PPFIA2: variants seen among roughly 807,000 people sequenced by gnomAD.
PPFIA2 encodes liprin-alpha-2.
Under a neutral mutation model 175.5 loss-of-function variants are expected in PPFIA2, and 46 were observed. That is an observed-to-expected ratio of 0.26 (90% CI 0.21 to 0.34). The LOEUF (loss-of-function observed/expected upper bound fraction) is 0.34. Ranked by LOEUF, PPFIA2 falls within the 10% of genes least tolerant of loss-of-function variation. PPFIA2 has a pLI of 1.00. For synonymous variants in PPFIA2, 568 were observed against 511.4 expected, an observed-to-expected ratio of 1.11 and a Z score of -1.49; for missense variants, 1,179 against 1,506.1, an observed-to-expected ratio of 0.78 and a Z score of 3.60.
chr12:81,353,403 C>T, intron 16 of PPFIA2, 64 bp from the exon 17 acceptor site: 1 of 1,157,800 alleles, frequency 8.6e-7, no homozygotes, highest in Non-Finnish European at 1.3e-6. Context: ...GCATTAATCT[C>T]AAAGACAGCA....
chr12:81,388,993 A>T (rs1286699149), intron 8 of PPFIA2, among the ~76,000 whole-genome samples: 5 of 151,744 alleles, frequency 3.3e-5, no homozygotes, highest in Non-Finnish European at 7.4e-5. Context: ...AGCCCCAGAC[A>T]ACCACTAACT....
At chr12:81,316,923 C>G (rs1191576807) in intron 22 of PPFIA2, among the ~76,000 whole-genome samples, 1 of 148,860 alleles carries the variant, frequency 6.7e-6, no homozygotes, top group Non-Finnish European at 1.5e-5. Flanking sequence ...AAACTGGGCT[C>G]TGGAGATCTA....
chr12:81,350,105 G>C (rs1241935868), intron 17 of PPFIA2, among the ~76,000 whole-genome samples: 1 of 152,124 alleles, frequency 6.6e-6, no homozygotes, highest in East Asian at 1.9e-4. Context: ...ACAAAGCTAA[G>C]AGTCACTGAA....
intron 4 of PPFIA2, among the ~76,000 whole-genome samples, chr12:81,529,385 G>A (rs1173668668): frequency 6.6e-6 from 1 of 151,736 alleles, no homozygotes; most frequent in African/African-American, 2.4e-5. Context: ...TAATTTTCTT[G>A]AATTTATATT....
At chr12:81,362,647 T>C (rs1217166669) in intron 15 of PPFIA2, 46 bp downstream of exon 15, 2 of 1,281,260 alleles carry the variant, frequency 1.6e-6, no homozygotes, top group African/African-American at 1.5e-5. Flanking sequence ...AGGGAATTCA[T>C]GTTGATTTTC....
At chr12:81,641,624 G>A (rs1488214554) in intron 4 of PPFIA2, among the ~76,000 whole-genome samples, 1 of 152,098 alleles carries the variant, frequency 6.6e-6, no homozygotes, top group African/African-American at 2.4e-5. Flanking sequence ...ACAATATGAT[G>A]AGTCGTCTCA....
intron 3 of PPFIA2, among the ~76,000 whole-genome samples, chr12:81,736,728 A>T (rs2153647867): frequency 6.6e-6 from 1 of 152,118 alleles, no homozygotes; most frequent in African/African-American, 2.4e-5. Context: ...GTTTATTTTA[A>T]GAAAATCATT....
intron 4 of PPFIA2, among the ~76,000 whole-genome samples, chr12:81,506,309 A>G (rs2061163399): frequency 6.6e-6 from 1 of 152,180 alleles, no homozygotes. Context: ...TTAAAAGCCC[A>G]GGTCAAACTT....
At chr12:81,605,060 T>A (rs146819339) in intron 4 of PPFIA2, among the ~76,000 whole-genome samples, 1 of 151,920 alleles carries the variant, frequency 6.6e-6, no homozygotes, top group African/African-American at 2.4e-5. Context: ...CCAAAAATAC[T>A]TAGAGCCTAT....
intron 4 of PPFIA2, chr12:81,546,253 C>T (rs2153355608): frequency 6.6e-6 from 1 of 152,216 alleles, no homozygotes; most frequent in South Asian, 2.1e-4. Flanking sequence ...CCACAGGAAC[C>T]TCTTTGTACA....
chr12:81,278,466 G>A (rs1290040229), intron 27 of PPFIA2, among the ~76,000 whole-genome samples: 1 of 151,808 alleles, frequency 6.6e-6, no homozygotes, highest in Non-Finnish European at 1.5e-5. Flanking sequence ...GCTTGAGCCC[G>A]GGAGGCGGAG....
In PPFIA2 at chr12:81,466,075, C is replaced by G. The variant is rs547475830; in HGVS notation, c.304-8209G>C. Among the ~76,000 whole-genome samples, 43 of 152,258 alleles carry G rather than the reference C, an allele frequency of 2.8e-4. No individual in the cohort carries two copies. In the South Asian group the frequency reaches 7.9e-3, roughly 28 times the overall value. ...GTCTCACGGTCAGCCCTGGGCTAGA[C>G]AGCTTGAAGGTAGAATCGCCTGCAT... is the stretch of plus-strand genomic sequence containing the variant. On this transcript the variant is annotated intron_variant, in intron 4 of 32. Transcript: ENST00000549396.
intron 32 of PPFIA2, chr12:81,261,129 CTTAAAA>C (rs1188102611): frequency 1.3e-5 from 2 of 152,080 alleles, no homozygotes; most frequent in Non-Finnish European, 2.9e-5. Flanking sequence ...GTCTTAAATA[CTTAAAA>C]TTTATATTTG....
intron 4 of PPFIA2, chr12:81,545,490 C>G (rs2066849287): frequency 6.4e-6 from 1 of 155,720 alleles, no homozygotes; most frequent in South Asian, 2.0e-4. Context: ...TGCTGATATA[C>G]TGCTGCCAAA....
At chr12:81,313,392 C>G (rs1259170713) in intron 22 of PPFIA2, among the ~76,000 whole-genome samples, 1 of 152,014 alleles carries the variant, frequency 6.6e-6, no homozygotes, top group Non-Finnish European at 1.5e-5. Context: ...ATGGAACACC[C>G]TGCACATGCC....
chr12:81,649,842 T>C (rs1404268721), intron 4 of PPFIA2, among the ~76,000 whole-genome samples: 3 of 152,100 alleles, frequency 2.0e-5, no homozygotes, highest in Non-Finnish European at 4.4e-5. Flanking sequence ...AAAACTATCA[T>C]GACAAAAAGT....
intron 5 of PPFIA2, among the ~76,000 whole-genome samples, chr12:81,454,917 C>G (rs2053308593): frequency 6.6e-6 from 1 of 152,148 alleles, no homozygotes; most frequent in Admixed American, 6.6e-5. Context: ...GACACGATCT[C>G]TGCTCACTGC....
At chr12:81,756,355 AG>A (rs1470908663) in intron 2 of PPFIA2, among the ~76,000 whole-genome samples, 1 of 152,162 alleles carries the variant, frequency 6.6e-6, no homozygotes, top group Non-Finnish European at 1.5e-5. Flanking sequence ...TTAAATTCCA[AG>A]GCAAAGCATA....
At chr12:81,684,116 C>G (rs919565877) in intron 3 of PPFIA2, among the ~76,000 whole-genome samples, 3 of 152,094 alleles carry the variant, frequency 2.0e-5, no homozygotes, top group Admixed American at 1.3e-4. Context: ...ACATTAAAAC[C>G]ATAGCAGTAG....
Sources: gnomAD v4.1 joint callset for allele counts (sites outside exome capture counted in the v4.1 genomes callset) on GRCh38, gnomAD v4.1.1 for gene constraint, MANE v1.5 for transcripts, NCBI Gene and HGNC (gene_info 2026-07-23, HGNC 2026-07-21) for gene names.